Variants in ADAM23 observed in about 807,000 individuals in gnomAD.
The protein encoded by ADAM23 is ADAM metallopeptidase domain 23, also known as disintegrin and metalloproteinase domain-containing protein 23.
In ADAM23, 33 loss-of-function variants were observed where a neutral mutation model predicts 120.1. The ratio of observed to expected loss-of-function variants is 0.27; its 90% CI spans 0.21 to 0.37. The LOEUF is 0.37. ADAM23 is among the 10% of genes least tolerant of loss of function. The pLI, the probability that ADAM23 is intolerant of heterozygous loss-of-function variation, is 1.00. For missense variants in ADAM23, 862 were observed against 1,058.2 expected (o/e 0.81, Z 2.57); for synonymous variants, 367 against 375.2 (o/e 0.98, Z 0.25).
chr2:206,591,706 G>A (rs1698429735), intron 21 of ADAM23, among the ~76,000 whole-genome samples: 1 of 152,112 alleles, frequency 6.6e-6, no homozygotes, highest in Non-Finnish European at 1.5e-5. Context: ...TCTTATCATT[G>A]TTACCAAATA....
At chr2:206,501,687 T>C (rs1362779048) in intron 3 of ADAM23, among the ~76,000 whole-genome samples, 1 of 152,114 alleles carries the variant, frequency 6.6e-6, no homozygotes, top group African/African-American at 2.4e-5. Flanking sequence ...GAGATTTTTA[T>C]AGTCTGAAAA....
intron 3 of ADAM23, among the ~76,000 whole-genome samples, chr2:206,484,886 G>A (rs1441525724): frequency 2.0e-5 from 3 of 152,108 alleles, no homozygotes; most frequent in African/African-American, 4.8e-5. Context: ...TAAGTCTCAC[G>A]AGATCTGATG....
rs1027335834 is a variant in ADAM23, at chr2:206,619,127, A to G, written c.*1500A>G. On this transcript the variant is annotated 3_prime_UTR_variant, in exon 26 of 26. Transcript: ENST00000264377. ...AAGGAGCAGTTACCTTTGTATCCGC[A>G]TTGTTAAAATAGGCTTTTATGCTGT... 2.0e-5 allele frequency: 3 copies of G among 152,206 alleles called. No homozygotes were observed. Among genetic ancestry groups the G allele is most frequent in the East Asian group, 1.9e-4 (1 of 5,194 alleles). 9.4% of individuals were successfully genotyped at this position (152,206 alleles called of 1,614,324 possible).
chr2:206,595,413 C>G (rs2105851712), intron 23 of ADAM23, among the ~76,000 whole-genome samples: 1 of 151,080 alleles, frequency 6.6e-6, no homozygotes, highest in South Asian at 2.1e-4. Context: ...AGGGAGGAGA[C>G]AGAGATCACT....
At chr2:206,568,050 T>G (rs764764073) in intron 15 of ADAM23, among the ~76,000 whole-genome samples, 1 of 152,024 alleles carries the variant, frequency 6.6e-6, no homozygotes, top group African/African-American at 2.4e-5. Flanking sequence ...CAGTGGAGAG[T>G]AGAACTCAAG....
At chr2:206,513,554 C>T (rs1233209836) in intron 3 of ADAM23, among the ~76,000 whole-genome samples, 2 of 152,178 alleles carry the variant, frequency 1.3e-5, no homozygotes, top group Non-Finnish European at 2.9e-5. Flanking sequence ...GTTTCCATAA[C>T]ATAAAAGTGC....
In ADAM23 at chr2:206,559,931, A is replaced by G. The variant is rs200937384; in HGVS notation, c.1006-24A>G. The G allele has an allele frequency of 9.2e-5, 146 of 1,594,508 alleles. No individual in the cohort carries two copies. The African/African-American group carries it at 1.8e-3, about 20-fold the overall frequency. ...GTTTGACCCAGTGTTTTCCTCCTGCACCTGTCCTGTTGTATACCCTCAGAT... is the reference window on the plus strand; with the variant it reads ...GTTTGACCCAGTGTTTTCCTCCTGCGCCTGTCCTGTTGTATACCCTCAGAT... On this transcript the variant is annotated intron_variant, in intron 10 of 25. Transcript: ENST00000264377.
intron 2 of ADAM23, among the ~76,000 whole-genome samples, chr2:206,472,927 T>C (rs10172265): frequency 0.017 from 2,571 of 152,164 alleles, 33 homozygotes; most frequent in African/African-American, 0.024. Context: ...GTGAGAAGAG[T>C]GTGCTTTGTT....
chr2:206,579,051 G>A (rs1011094095), intron 18 of ADAM23, among the ~76,000 whole-genome samples: 2 of 151,786 alleles, frequency 1.3e-5, no homozygotes, highest in African/African-American at 4.8e-5. Flanking sequence ...TTTGAGAATT[G>A]TCTATCCTTA....
chr2:206,604,532 TCTGTTCTCTGTTGTGTCCCCATC>T (rs1698697143), intron 24 of ADAM23, among the ~76,000 whole-genome samples: 1 of 152,168 alleles, frequency 6.6e-6, no homozygotes, highest in South Asian at 2.1e-4. Context: ...GGGGGACTTT[TCTGTTCTCTGTTGTGTCCCCATC>T]TTTTTGTTTG....
intron 24 of ADAM23, among the ~76,000 whole-genome samples, chr2:206,606,183 CT>C (rs578077675): frequency 6.6e-6 from 1 of 152,024 alleles, no homozygotes; most frequent in Non-Finnish European, 1.5e-5. Context: ...AAAATACAGA[CT>C]TTTTTTTAAA....
chr2:206,584,654 T>A (rs1270263856), intron 18 of ADAM23, among the ~76,000 whole-genome samples: 2 of 152,128 alleles, frequency 1.3e-5, no homozygotes, highest in East Asian at 3.9e-4. Flanking sequence ...AGTCCTGTCC[T>A]TACCCGATGG....
At chr2:206,517,667 C>T (rs1254331695) in intron 3 of ADAM23, among the ~76,000 whole-genome samples, 1 of 152,092 alleles carries the variant, frequency 6.6e-6, no homozygotes, top group Non-Finnish European at 1.5e-5. Context: ...CTGGATTTTT[C>T]CTGGAGTGGC....
chr2:206,585,719 T>C (rs1189497738), intron 18 of ADAM23, among the ~76,000 whole-genome samples: 9 of 152,012 alleles, frequency 5.9e-5, no homozygotes, highest in African/African-American at 2.2e-4. Flanking sequence ...GAACAAAACA[T>C]AGAATCCTGC....
At chr2:206,470,459 A>G (rs139973563) in intron 2 of ADAM23, among the ~76,000 whole-genome samples, 16 of 152,282 alleles carry the variant, frequency 1.1e-4, no homozygotes, top group African/African-American at 3.6e-4. Flanking sequence ...TGAGTGGTTG[A>G]TCGTTTCCAG....
chr2:206,526,171 CACACACACAGACACACACAG>C (rs955320601), intron 3 of ADAM23, among the ~76,000 whole-genome samples: 13 of 147,530 alleles, frequency 8.8e-5, no homozygotes, highest in African/African-American at 3.2e-4. Context: ...CACACACACA[CACACACACAGACACACACAG>C]ACACACGTCT....
At chr2:206,595,005 A>G in intron 23 of ADAM23, 100 bp downstream of exon 23, 1 of 1,470,664 alleles carries the variant, frequency 6.8e-7, no homozygotes, top group Non-Finnish European at 9.3e-7. Flanking sequence ...ACATGGTGAA[A>G]CACCATCTCT....
intron 3 of ADAM23, among the ~76,000 whole-genome samples, chr2:206,494,389 G>C (rs1179399074): frequency 6.6e-6 from 1 of 152,054 alleles, no homozygotes; most frequent in Admixed American, 6.6e-5. Context: ...AGTGGTAAAG[G>C]GTTTCTTTAT....
At chr2:206,498,150 C>G (rs918615036) in intron 3 of ADAM23, among the ~76,000 whole-genome samples, 1 of 152,164 alleles carries the variant, frequency 6.6e-6, no homozygotes, top group African/African-American at 2.4e-5. Context: ...GAAAAAACTA[C>G]TTTAAAGTTT....
Sources: allele counts gnomAD v4.1 joint callset (sites outside exome capture counted in the v4.1 genomes callset), GRCh38; gene constraint gnomAD v4.1.1; transcripts MANE v1.5; gene names NCBI Gene and HGNC (gene_info 2026-07-23, HGNC 2026-07-21).